PKNOX1: variants seen among roughly 807,000 people sequenced by gnomAD.
PKNOX1 encodes the protein homeobox protein PKNOX1.
A neutral mutation model predicts 51.9 loss-of-function variants in PKNOX1; 15 were observed. That is an observed-to-expected ratio of 0.29 (90% CI 0.19 to 0.45). The LOEUF (loss-of-function observed/expected upper bound fraction) is 0.45. PKNOX1 is among the 20% of genes least tolerant of loss of function. PKNOX1 has a pLI of 1.00. For missense variants in PKNOX1, 462 were observed against 547.5 expected (o/e 0.84, Z 1.56); for synonymous variants, 219 against 211.1 (o/e 1.04, Z -0.32).
At chr21:43,027,198 A>T (rs561043866) in intron 9 of PKNOX1, among the ~76,000 whole-genome samples, 1 of 152,310 alleles carries the variant, frequency 6.6e-6, no homozygotes, top group South Asian at 2.1e-4. Flanking sequence ...TTTATCATTC[A>T]TGTTACTGAA....
chr21:43,016,293 G>T (rs577008961), intron 5 of PKNOX1, among the ~76,000 whole-genome samples: 1 of 152,354 alleles, frequency 6.6e-6, no homozygotes, highest in African/African-American at 2.4e-5. Context: ...CCTCCATGGG[G>T]CATGTAGAAA....
rs1364492210 is a variant in PKNOX1 at position 43,032,104 on chromosome 21, C to T, written c.*2003C>T. The T allele has an allele frequency of 2.2e-6, 1 of 451,886 alleles. No individual in the cohort carries two copies. The highest frequency in any genetic ancestry group is 4.4e-6 in the Non-Finnish European group (1 of 224,768). 28.0% of individuals were successfully genotyped at this position (451,886 alleles called of 1,614,324 possible). On this transcript the variant is annotated 3_prime_UTR_variant, in exon 11 of 11. Coordinates refer to ENST00000291547, the MANE Select transcript of PKNOX1 (RefSeq NM_004571.5). ...CGAACTCCCGACCTCAGGTGATCTG[C>T]CTGCCTCAGCCTCCCAAAGTGCTGG... is the stretch of plus-strand genomic sequence containing the variant.
chr21:42,983,073 G>A (rs10887972), intron 1 of PKNOX1, among the ~76,000 whole-genome samples: 130,144 of 151,930 alleles, frequency 0.86, 55,816 homozygotes, highest in African/African-American at 0.88. Context: ...GCCTTTCAAA[G>A]TTCCAGGATT....
intron 5 of PKNOX1, among the ~76,000 whole-genome samples, chr21:43,014,587 G>T (rs987320078): frequency 6.6e-6 from 1 of 152,068 alleles, no homozygotes; most frequent in African/African-American, 2.4e-5. Context: ...CTAACCCTAG[G>T]TCCCAAAGAC....
chr21:42,988,685 C>A (rs940263569), intron 1 of PKNOX1, among the ~76,000 whole-genome samples: 1 of 152,068 alleles, frequency 6.6e-6, no homozygotes, highest in Non-Finnish European at 1.5e-5. Context: ...TTTCCGGTGG[C>A]TCCCATGCTT....
intron 9 of PKNOX1, among the ~76,000 whole-genome samples, chr21:43,028,274 C>T (rs2839626): frequency 0.33 from 49,880 of 152,060 alleles, 8,418 homozygotes; most frequent in East Asian, 0.52. Flanking sequence ...GATCTGGTGA[C>T]GTCCAGACGA....
chr21:42,987,404 A>AAAATATATATATATATATATATATAT, intron 1 of PKNOX1, among the ~76,000 whole-genome samples: 9 of 41,402 alleles, frequency 2.2e-4, no homozygotes, highest in South Asian at 7.7e-4. Flanking sequence ...AAAAAAAAAA[A>AAAATATATATATATATATATATATAT]ATATATATAT....
At position 43,029,959 on chromosome 21, in the gene PKNOX1, G is replaced by A; in HGVS notation, c.1169G>A (p.Gly390Glu). The A allele has an allele frequency of 6.2e-7, 1 of 1,614,124 alleles. No individual in the cohort carries two copies. The highest frequency in any genetic ancestry group is 8.5e-7 in the Non-Finnish European group (1 of 1,180,026). The change falls in exon 11 of 11, where the codon GGG becomes GAG. Residue 390 changes from glycine (G) to glutamate (E), a missense_variant. By Grantham distance (98) the Gly-to-Glu change is moderately conservative. Around this residue, in one of 5 missense-constraint regions of PKNOX1, gnomAD observed 118 missense variants for 116.8 expected, o/e 1.01. Coordinates refer to ENST00000291547, the MANE Select transcript of PKNOX1 (RefSeq NM_004571.5). ...VDSLQSLSSD[G>E]ATLAVQQVMM... Reference sequence around the variant, plus strand: ...AGCCTTCAGTCTCTGTCCTCGGACGGGGCCACCCTGGCGGTGCAGCAGGTC... The same window carrying A: ...AGCCTTCAGTCTCTGTCCTCGGACGAGGCCACCCTGGCGGTGCAGCAGGTC...
chr21:43,001,080 G>C (rs1246314523), intron 1 of PKNOX1, among the ~76,000 whole-genome samples: 2 of 152,162 alleles, frequency 1.3e-5, no homozygotes, highest in Non-Finnish European at 2.9e-5. Flanking sequence ...GGAGAGCCAG[G>C]TTATGGTCAA....
intron 1 of PKNOX1, among the ~76,000 whole-genome samples, chr21:42,976,732 T>C (rs2058999378): frequency 6.6e-6 from 1 of 152,232 alleles, no homozygotes; most frequent in Non-Finnish European, 1.5e-5. Flanking sequence ...ACTGAAGTCT[T>C]GAACTCCTCC....
At position 43,032,155 on chromosome 21, in the gene PKNOX1, C is replaced by T. The variant is rs1251266526; in HGVS notation, c.*2054C>T. 16 of 456,052 alleles carry T rather than the reference C, an allele frequency of 3.5e-5. No individual in the cohort carries two copies. Among genetic ancestry groups the T allele is most frequent in the Admixed American group, 2.6e-4 (11 of 42,540 alleles). 28.3% of individuals were successfully genotyped at this position (456,052 alleles called of 1,614,324 possible). On this transcript the variant is annotated 3_prime_UTR_variant, in exon 11 of 11. Coordinates refer to ENST00000291547, the MANE Select transcript of PKNOX1 (RefSeq NM_004571.5). ...GATTACAGGTGTGAGCCACCGCGCC[C>T]GGCCGAGAATGACATCTTAAAGCCA... is the stretch of plus-strand genomic sequence containing the variant.
At position 43,028,890 on chromosome 21, in the gene PKNOX1, C is replaced by T. The variant is rs370127966; in HGVS notation, c.1099+16C>T. 3.1e-4 allele frequency: 498 copies of T among 1,612,830 alleles called. No individual in the cohort carries two copies. Among genetic ancestry groups the T allele is most frequent in the Non-Finnish European group, 4.1e-4 (484 of 1,178,878 alleles). Reference sequence around the variant, plus strand: ...ATGTCGGAAGGTACAGGTGGCCGGCCAAGGCCAGACATGGTGGACCATGGG... The same window carrying T: ...ATGTCGGAAGGTACAGGTGGCCGGCTAAGGCCAGACATGGTGGACCATGGG... On this transcript the variant is annotated intron_variant, in intron 10 of 10. Coordinates refer to ENST00000291547, the MANE Select transcript of PKNOX1 (RefSeq NM_004571.5).
At position 43,029,431 on chromosome 21, in the gene PKNOX1, T is replaced by TTTTTTTG. The variant is rs1980140495; in HGVS notation, c.1100-453_1100-452insGTTTTTT. On this transcript the variant is annotated intron_variant, in intron 10 of 10. Coordinates refer to ENST00000291547, the MANE Select transcript of PKNOX1 (RefSeq NM_004571.5). ...TTTTTATTTGTTTGCTTTGTTTTTTTTTTTTTTTTTTTTTGAGACAGAGTC... is the reference window on the plus strand; with the variant it reads ...TTTTTATTTGTTTGCTTTGTTTTTTTTTTTTTGTTTTTTTTTTTTTTGAGACAGAGTC... Among the ~76,000 whole-genome samples, 3 of 133,478 alleles carry TTTTTTTG rather than the reference T, an allele frequency of 2.2e-5. 1 individual carries two copies. The Admixed American group carries it at 2.3e-4, about 10-fold the overall frequency. 87.6% of individuals were successfully genotyped at this position (133,478 alleles called of 152,430 possible).
In PKNOX1 at chr21:43,002,146, C is replaced by T. The variant is rs1192932068; in HGVS notation, c.-56-2180C>T. ...TGCTGAGATTACAGGCATGAACCGC[C>T]GTGTCCAGTTAGACGTGTCTTTTTG... On this transcript the variant is annotated intron_variant, in intron 1 of 10. Coordinates refer to ENST00000291547, the MANE Select transcript of PKNOX1 (RefSeq NM_004571.5). Among the ~76,000 whole-genome samples, 24 of 152,148 alleles carry T rather than the reference C, an allele frequency of 1.6e-4. No individual in the cohort carries two copies. The East Asian group carries it at 2.7e-3, about 17-fold the overall frequency.
intron 1 of PKNOX1, among the ~76,000 whole-genome samples, chr21:42,989,097 T>C (rs944638547): frequency 3.3e-5 from 5 of 152,216 alleles, no homozygotes; most frequent in Admixed American, 6.5e-5. Flanking sequence ...TTCTGTTTGA[T>C]GTCTCTTTCC....
At chr21:42,984,081 T>C (rs1366334960) in intron 1 of PKNOX1, among the ~76,000 whole-genome samples, 1 of 34,624 alleles carries the variant, frequency 2.9e-5, no homozygotes, top group Non-Finnish European at 6.7e-5. Flanking sequence ...TGCGTGTGTG[T>C]GCGTGTGTGT....
chr21:43,028,992 T>C (rs1315304406), intron 10 of PKNOX1, 118 bp downstream of exon 10: 1 of 960,584 alleles, frequency 1.0e-6, no homozygotes, highest in East Asian at 2.5e-5. Flanking sequence ...CGAGAGTGCG[T>C]GGTTCTCTTT....
chr21:42,975,352 A>T (rs1037023340), intron 1 of PKNOX1, among the ~76,000 whole-genome samples: 2 of 151,730 alleles, frequency 1.3e-5, no homozygotes, highest in Non-Finnish European at 2.9e-5. Flanking sequence ...GGAGCAGCCC[A>T]GGGCCGCTCG....
chr21:42,976,564 A>G (rs528037337), intron 1 of PKNOX1, among the ~76,000 whole-genome samples: 2 of 152,352 alleles, frequency 1.3e-5, no homozygotes, highest in South Asian at 2.1e-4. Context: ...ACTGCTATCC[A>G]CTAAGTTGAT....
Sources: gnomAD v4.1 joint callset for allele counts (sites outside exome capture counted in the v4.1 genomes callset) on GRCh38, gnomAD v4.1.1 for gene constraint, gnomAD v4.1.1 regional missense constraint, MANE v1.5 for transcripts, NCBI Gene and HGNC (gene_info 2026-07-23, HGNC 2026-07-21) for gene names.